The following MAP4 variants were observed in gnomAD, a reference collection of about 807,000 sequenced individuals.
The protein encoded by MAP4 is microtubule associated protein 4, also known as microtubule-associated protein 4.
Under a neutral mutation model 170.2 loss-of-function variants are expected in MAP4, and 76 were observed. That is an observed-to-expected ratio of 0.45 (90% CI 0.37 to 0.54). The LOEUF is 0.54. MAP4 is among the 20% of genes least tolerant of loss of function. The pLI is 0.00. For missense variants in MAP4, 2,506 were observed against 2,748.0 expected, an observed-to-expected ratio of 0.91 and a Z score of 1.97; for synonymous variants, 909 against 994.5, an observed-to-expected ratio of 0.91 and a Z score of 1.62.
intron 3 of MAP4, among the ~76,000 whole-genome samples, chr3:47,959,893 T>G (rs1424123318): frequency 6.6e-6 from 1 of 152,016 alleles, no homozygotes; most frequent in East Asian, 1.9e-4. Flanking sequence ...GATGAAGTCT[T>G]GTTCTGTTGC....
At chr3:47,988,967 C>T (rs1418994769) in intron 2 of MAP4, among the ~76,000 whole-genome samples, 3 of 152,166 alleles carry the variant, frequency 2.0e-5, no homozygotes, top group African/African-American at 4.8e-5. Flanking sequence ...AGCACCACCA[C>T]GCCTGGCTAA....
chr3:47,906,272 C>A (rs2100032965), intron 9 of MAP4, among the ~76,000 whole-genome samples: 1 of 152,012 alleles, frequency 6.6e-6, no homozygotes, highest in South Asian at 2.1e-4. Context: ...TACTCCGGAG[C>A]CCCTTTTTAT....
chr3:48,067,622 CA>C (rs2100138946), intron 1 of MAP4, among the ~76,000 whole-genome samples: 2 of 142,480 alleles, frequency 1.4e-5, no homozygotes. Context: ...TCAAAGTTAA[CA>C]AGAGAAACCT....
chr3:47,968,246 A>G (rs1330890120), intron 3 of MAP4, among the ~76,000 whole-genome samples: 1 of 152,248 alleles, frequency 6.6e-6, no homozygotes, highest in Non-Finnish European at 1.5e-5. Flanking sequence ...GAAGACCTAT[A>G]TAACACTATA....
chr3:48,029,330 C>G (rs1352727665), intron 1 of MAP4, among the ~76,000 whole-genome samples: 3 of 151,664 alleles, frequency 2.0e-5, no homozygotes, highest in African/African-American at 7.3e-5. Flanking sequence ...CCCAGCTACT[C>G]GGGAGGCTGG....
chr3:48,075,706 G>A (rs2100143485), intron 1 of MAP4, among the ~76,000 whole-genome samples: 1 of 152,004 alleles, frequency 6.6e-6, no homozygotes, highest in Admixed American at 6.6e-5. Context: ...GGGCGCAGTG[G>A]TTCACGCCTG....
At chr3:47,988,227 T>C (rs909122452) in intron 2 of MAP4, among the ~76,000 whole-genome samples, 3 of 143,644 alleles carry the variant, frequency 2.1e-5, no homozygotes, top group South Asian at 2.2e-4. Flanking sequence ...AGCAAAAAGA[T>C]AGATGAGATG....
rs758824451 is a variant in MAP4 at position 47,852,757 on chromosome 3, G to A, written c.*177C>T. On this transcript the variant is annotated 3_prime_UTR_variant, in exon 21 of 21. Coordinates refer to ENST00000683076, the MANE Select transcript of MAP4 (RefSeq NM_001385682.1). ...AAGCAGGAGGGAAGGCGAGCCTAGCGGGCTGCCCAGCACGGCGCCCAAGCG... is the reference window on the plus strand; with the variant it reads ...AAGCAGGAGGGAAGGCGAGCCTAGCAGGCTGCCCAGCACGGCGCCCAAGCG... 152 of 1,541,090 alleles carry A rather than the reference G, an allele frequency of 9.9e-5. No individual in the cohort carries two copies. Among genetic ancestry groups the A allele is most frequent in the South Asian group, 1.9e-4 (16 of 83,526 alleles).
At chr3:47,876,551 A>G (rs2095467965) in intron 11 of MAP4, among the ~76,000 whole-genome samples, 1 of 146,992 alleles carries the variant, frequency 6.8e-6, no homozygotes, top group Non-Finnish European at 1.5e-5. Flanking sequence ...TCTAAAAGAA[A>G]AGCATCAGGA....
Position 47,853,361 on chromosome 3 carries a change from A to C in MAP4, c.6697-9T>G, listed in dbSNP as rs544358657. 1 of 1,595,160 alleles carries C rather than the reference A, an allele frequency of 6.3e-7. No individual in the cohort carries two copies. The highest frequency in any genetic ancestry group is 1.3e-5 in the African/African-American group (1 of 74,686). ...CTGCCACCGCCCTCAGTCTACAATG[A>C]AACAGTGGGGGAGACAGTGCAGGGT... On this transcript the variant is annotated splice_polypyrimidine_tract_variant and intron_variant, in intron 19 of 20. Coordinates refer to ENST00000683076, the MANE Select transcript of MAP4 (RefSeq NM_001385682.1).
chr3:47,971,726 C>T (rs569650384), intron 3 of MAP4, among the ~76,000 whole-genome samples: 29 of 152,240 alleles, frequency 1.9e-4, no homozygotes, highest in African/African-American at 7.0e-4. Context: ...GAAACGGCAT[C>T]AACATAAAAT....
chr3:47,972,440 A>T (rs1483088133), intron 3 of MAP4, among the ~76,000 whole-genome samples: 3 of 152,252 alleles, frequency 2.0e-5, no homozygotes, highest in Admixed American at 6.5e-5. Flanking sequence ...ATCTAACAAC[A>T]ATTGATATAC....
At chr3:47,920,432 G>A (rs995157858) in intron 5 of MAP4, among the ~76,000 whole-genome samples, 3 of 150,998 alleles carry the variant, frequency 2.0e-5, no homozygotes, top group Non-Finnish European at 4.4e-5. Context: ...TAGTAGAGAC[G>A]GGATTTCACC....
At chr3:47,898,558 T>C (rs1010808396) in intron 10 of MAP4, among the ~76,000 whole-genome samples, 3 of 149,566 alleles carry the variant, frequency 2.0e-5, no homozygotes, top group African/African-American at 7.4e-5. Flanking sequence ...AGATATTAAA[T>C]GGAAGAATAA....
At chr3:48,020,264 T>C (rs916228488), upstream of MAP4, among the ~76,000 whole-genome samples, 3 of 152,206 alleles carry the variant, frequency 2.0e-5, no homozygotes, top group Non-Finnish European at 4.4e-5. Flanking sequence ...TAGGATAGCA[T>C]CTTTCTCACC....
intron 10 of MAP4, chr3:47,892,446 C>A (rs556670847): frequency 9.8e-6 from 15 of 1,535,616 alleles, no homozygotes; most frequent in Non-Finnish European, 1.3e-5. Context: ...CTGAGCTGAC[C>A]GTACGCGGCA....
intron 10 of MAP4, among the ~76,000 whole-genome samples, chr3:47,899,390 T>C (rs568279680): frequency 6.6e-6 from 1 of 152,336 alleles, no homozygotes; most frequent in Non-Finnish European, 1.5e-5. Context: ...TCCTCCTGCC[T>C]CAGCCTCCCA....
At chr3:48,031,110 A>G (rs371198217) in intron 1 of MAP4, among the ~76,000 whole-genome samples, 28 of 152,252 alleles carry the variant, frequency 1.8e-4, no homozygotes, top group African/African-American at 5.8e-4. Flanking sequence ...ATCAAGACTA[A>G]TATCAATAGT....
chr3:48,065,067 C>A (rs1054301670), intron 1 of MAP4, among the ~76,000 whole-genome samples: 3 of 152,126 alleles, frequency 2.0e-5, no homozygotes, highest in African/African-American at 7.2e-5. Context: ...AAGTTCCAGG[C>A]TGCAGTGAGT....
Sources: allele counts gnomAD v4.1 joint callset (sites outside exome capture counted in the v4.1 genomes callset), GRCh38; gene constraint gnomAD v4.1.1; transcripts MANE v1.5; gene names NCBI Gene and HGNC (gene_info 2026-07-23, HGNC 2026-07-21).